The following HTR4 variants were observed in gnomAD, a reference collection of about 807,000 sequenced individuals.
HTR4 encodes 5-hydroxytryptamine receptor 4.
A neutral mutation model predicts 36.8 loss-of-function variants in HTR4; 16 were observed. That is an observed-to-expected ratio of 0.43 (90% CI 0.29 to 0.66). The LOEUF (loss-of-function observed/expected upper bound fraction) is 0.66. Ranked by LOEUF, HTR4 falls within the 30% of genes least tolerant of loss-of-function variation. HTR4 has a pLI of 0.13. For missense variants in HTR4, 438 were observed against 490.9 expected (o/e 0.89, Z 1.02); for synonymous variants, 189 against 185.1 (o/e 1.02, Z -0.17).
intron 1 of HTR4, among the ~76,000 whole-genome samples, chr5:148,641,240 T>TC (rs1753718973): frequency 6.6e-6 from 1 of 152,182 alleles, no homozygotes; most frequent in Non-Finnish European, 1.5e-5. Flanking sequence ...TCAGAGCATC[T>TC]CCTATGCTCA....
intron 4 of HTR4, among the ~76,000 whole-genome samples, chr5:148,547,261 G>T (rs1389675608): frequency 6.6e-6 from 1 of 152,214 alleles, no homozygotes; most frequent in African/African-American, 2.4e-5. Flanking sequence ...AAGTGTGTAT[G>T]TTAGATATAC....
At chr5:148,528,358 T>C (rs1758389173) in intron 4 of HTR4, among the ~76,000 whole-genome samples, 1 of 152,286 alleles carries the variant, frequency 6.6e-6, no homozygotes, top group Non-Finnish European at 1.5e-5. Flanking sequence ...GGAGCTCGAA[T>C]TCTAGCATCT....
At position 148,616,571 on chromosome 5, in the gene HTR4, A is replaced by C. The variant is rs184398994; in HGVS notation, c.26+20418T>G. 9.7e-4 allele frequency among the ~76,000 whole-genome samples: 148 copies of C among 152,378 alleles called. 1 individual carries two copies. Among genetic ancestry groups the C allele is most frequent in the African/African-American group, 3.5e-3 (144 of 41,586 alleles). Reference sequence around the variant, plus strand: ...TGATAATATAATATTATTGACTCTAAGAAGTCTGCTTTATTTTGTTCCTAT... The same window carrying C: ...TGATAATATAATATTATTGACTCTACGAAGTCTGCTTTATTTTGTTCCTAT... On this transcript the variant is annotated intron_variant, in intron 2 of 6. Transcript: ENST00000377888.
intron 6 of HTR4, among the ~76,000 whole-genome samples, chr5:148,505,990 C>A (rs1215258098): frequency 1.3e-5 from 2 of 152,166 alleles, no homozygotes; most frequent in Admixed American, 6.5e-5. Flanking sequence ...ATCAAGCTAC[C>A]AATGACTTTC....
At chr5:148,593,150 C>A (rs760316348) in intron 2 of HTR4, among the ~76,000 whole-genome samples, 3 of 152,126 alleles carry the variant, frequency 2.0e-5, no homozygotes, top group Non-Finnish European at 4.4e-5. Flanking sequence ...AGCTTTTACT[C>A]CCATATAGTT....
chr5:148,484,319 C>A (rs757383708), intron 6 of HTR4: 2 of 1,612,938 alleles, frequency 1.2e-6, no homozygotes, highest in Non-Finnish European at 8.5e-7. Flanking sequence ...AGAATGGACC[C>A]GCTCTGGCAG....
chr5:148,552,601 G>A (rs190256884), intron 2 of HTR4, among the ~76,000 whole-genome samples: 2 of 152,296 alleles, frequency 1.3e-5, no homozygotes, highest in Admixed American at 6.5e-5. Flanking sequence ...CAGACTTCTT[G>A]TCATTCAGGC....
At chr5:148,508,304 C>A (rs1267104809) in intron 6 of HTR4, among the ~76,000 whole-genome samples, 1 of 152,194 alleles carries the variant, frequency 6.6e-6, no homozygotes, top group Non-Finnish European at 1.5e-5. Context: ...CACTGGCAAT[C>A]CTGTTTTGCT....
rs56021250 is a variant in HTR4, at chr5:148,540,400, G to GTATATATATA, written c.353+8258_353+8267dup. Among the ~76,000 whole-genome samples, 74 of 74,266 alleles carry GTATATATATA rather than the reference G, an allele frequency of 1.0e-3. 1 individual carries two copies. Among genetic ancestry groups the GTATATATATA allele is most frequent in the Non-Finnish European group, 1.3e-3 (56 of 42,276 alleles). 48.7% of individuals were successfully genotyped at this position (74,266 alleles called of 152,430 possible). On this transcript the variant is annotated intron_variant, in intron 4 of 6. Coordinates refer to ENST00000377888, the MANE Select transcript of HTR4 (RefSeq NM_000870.7). ...ATTTTAGGTTTTATTTTATGTGTGT[G>GTATATATATA]TATATATATATATATATATATATAT... is the stretch of plus-strand genomic sequence containing the variant.
At chr5:148,651,411 A>G (rs2127320773) in intron 1 of HTR4, among the ~76,000 whole-genome samples, 1 of 152,326 alleles carries the variant, frequency 6.6e-6, no homozygotes, top group African/African-American at 2.4e-5. Flanking sequence ...ATGTTGCTGT[A>G]CAAGGTTACA....
At chr5:148,524,948 G>A (rs1758193426) in intron 4 of HTR4, among the ~76,000 whole-genome samples, 2 of 152,176 alleles carry the variant, frequency 1.3e-5, no homozygotes, top group South Asian at 2.1e-4. Flanking sequence ...GCAGGGAGAG[G>A]AGAAATACCC....
intron 2 of HTR4, among the ~76,000 whole-genome samples, chr5:148,583,687 A>G (rs1761239706): frequency 6.6e-6 from 1 of 152,000 alleles, no homozygotes; most frequent in African/African-American, 2.4e-5. Flanking sequence ...AAGAAACACA[A>G]AAGTGTCCAG....
chr5:148,619,150 T>C (rs1440892509), intron 2 of HTR4, among the ~76,000 whole-genome samples: 1 of 152,134 alleles, frequency 6.6e-6, no homozygotes, highest in Admixed American at 6.5e-5. Context: ...TAAAGAAACC[T>C]TAGAATTCAG....
intron 2 of HTR4, among the ~76,000 whole-genome samples, chr5:148,585,872 A>T (rs1290772663): frequency 6.6e-6 from 1 of 152,164 alleles, no homozygotes; most frequent in Non-Finnish European, 1.5e-5. Flanking sequence ...TGCTCCACGA[A>T]GTATAGTCTT....
At chr5:148,494,648 G>A (rs139659520) in intron 6 of HTR4, among the ~76,000 whole-genome samples, 32 of 152,354 alleles carry the variant, frequency 2.1e-4, no homozygotes, top group East Asian at 1.2e-3. Flanking sequence ...TAGTGAGTCT[G>A]AGAGAAAGTT....
rs201439456 is a variant in HTR4 at position 148,550,223 on chromosome 5, C to A, written c.66G>T (p.Leu22=). The change falls in exon 3 of 7, where the codon CTG becomes CTT. Residue 22 remains leucine (L), a synonymous_variant. Transcript: ENST00000377888. The part of the protein sequence containing the change: ...EGFGSVEKVV[L]LTFLSTVILM... The stretch of plus-strand genomic sequence containing the variant: ...GGATAACCGTCGAGAGAAACGTGAG[C>A]AGCACCACCTTCTCCACTGACCCGA... 1.9e-6 allele frequency: 3 copies of A among 1,613,982 alleles called. No individual in the cohort carries two copies. Among genetic ancestry groups the A allele is most frequent in the Non-Finnish European group, 2.5e-6 (3 of 1,179,996 alleles).
chr5:148,612,805 A>G (rs1372212428), intron 2 of HTR4, among the ~76,000 whole-genome samples: 1 of 143,332 alleles, frequency 7.0e-6, no homozygotes, highest in Admixed American at 7.0e-5. Context: ...AGAAAAAAAG[A>G]GAGAAGAATC....
chr5:148,483,323 A>G (rs200903294), intron 6 of HTR4, 30 bp from the exon 7 acceptor site: 47 of 1,582,918 alleles, frequency 3.0e-5, no homozygotes, highest in Non-Finnish European at 4.1e-5. Flanking sequence ...ACAGAACCTC[A>G]GAATTGGAAA....
intron 2 of HTR4, chr5:148,629,208 C>T (rs111259765): frequency 2.6e-5 from 4 of 152,068 alleles, no homozygotes; most frequent in African/African-American, 4.8e-5. Flanking sequence ...AGACCCAGAA[C>T]GATGCAGGTC....
Sources: gnomAD v4.1 joint callset for allele counts (sites outside exome capture counted in the v4.1 genomes callset) on GRCh38, gnomAD v4.1.1 for gene constraint, MANE v1.5 for transcripts, NCBI Gene and HGNC (gene_info 2026-07-23, HGNC 2026-07-21) for gene names.